Variants in CFDP1 observed in about 807,000 individuals in gnomAD.
CFDP1 encodes heterochromatin-stabilizing protein CFDP1.
A neutral mutation model predicts 40.1 loss-of-function variants in CFDP1; 31 were observed. The observed-to-expected ratio is 0.77, with a 90% CI of 0.58 to 1.04. The LOEUF is 1.04. Among genes scored for constraint, CFDP1 ranks in the 50% least tolerant of loss-of-function variants. CFDP1 has a pLI of 0.00. For synonymous variants in CFDP1, 167 were observed against 120.0 expected (o/e 1.39, Z -2.56); for missense variants, 423 against 343.4 (o/e 1.23, Z -1.83).
intron 5 of CFDP1, 72 bp downstream of exon 5, chr16:75,395,018 G>GA (rs2078984443): frequency 1.9e-6 from 3 of 1,575,552 alleles, no homozygotes; most frequent in Non-Finnish European, 2.6e-6. Context: ...GATCTGCAGC[G>GA]AAAGTAGGTA....
intron 5 of CFDP1, among the ~76,000 whole-genome samples, chr16:75,388,020 A>G (rs2078914426): frequency 6.6e-6 from 1 of 152,216 alleles, no homozygotes; most frequent in African/African-American, 2.4e-5. Flanking sequence ...TTAACAAAAA[A>G]ACATCTATCA....
At chr16:75,370,853 CTG>C (rs2078746450) in intron 5 of CFDP1, among the ~76,000 whole-genome samples, 1 of 152,048 alleles carries the variant, frequency 6.6e-6, no homozygotes, top group African/African-American at 2.4e-5. Context: ...CAGAGCAAGA[CTG>C]TCTCAAAAAT....
intron 5 of CFDP1, among the ~76,000 whole-genome samples, chr16:75,393,812 C>T (rs917953935): frequency 2.8e-5 from 4 of 142,718 alleles, no homozygotes; most frequent in Non-Finnish European, 6.0e-5. Flanking sequence ...GTAATCCTAG[C>T]ACTTTGGGAA....
chr16:75,318,408 CTTT>C (rs11437738), intron 5 of CFDP1, among the ~76,000 whole-genome samples: 15 of 138,506 alleles, frequency 1.1e-4, no homozygotes, highest in Non-Finnish European at 1.7e-4. Context: ...TTCTTTCTTT[CTTT>C]TTTTTTTTTT....
intron 5 of CFDP1, among the ~76,000 whole-genome samples, chr16:75,353,054 C>T (rs1034389476): frequency 4.6e-5 from 7 of 152,120 alleles, no homozygotes; most frequent in African/African-American, 1.7e-4. Context: ...TGGGCAACAT[C>T]CTCAGTTTCT....
intron 1 of CFDP1, 65 bp from the exon 2 acceptor site, chr16:75,414,760 C>T (rs1048969293): frequency 6.0e-5 from 65 of 1,090,212 alleles, no homozygotes; most frequent in Non-Finnish European, 8.1e-5. Context: ...GAGACATTTT[C>T]ATTAATACAA....
intron 1 of CFDP1, among the ~76,000 whole-genome samples, chr16:75,427,059 A>C (rs945915556): frequency 2.2e-4 from 34 of 151,882 alleles, no homozygotes; most frequent in Admixed American, 4.6e-4. Flanking sequence ...TCAAAAAAAA[A>C]AAAACAAAAC....
intron 1 of CFDP1, among the ~76,000 whole-genome samples, chr16:75,425,944 G>A (rs2079337164): frequency 6.9e-6 from 1 of 145,810 alleles, no homozygotes. Flanking sequence ...GCTGAGGCAG[G>A]AGAATCGCTT....
intron 2 of CFDP1, among the ~76,000 whole-genome samples, chr16:75,413,716 C>T (rs997505872): frequency 2.0e-5 from 3 of 152,132 alleles, no homozygotes; most frequent in Non-Finnish European, 2.9e-5. Flanking sequence ...CTTCAATGCC[C>T]AGGAAGACAG....
chr16:75,412,811 C>T, intron 2 of CFDP1, 57 bp from the exon 3 acceptor site: 1 of 1,363,086 alleles, frequency 7.3e-7, no homozygotes. Flanking sequence ...TTTCAGTTAT[C>T]CCTCTCCCAA....
At chr16:75,294,146 C>A in intron 6 of CFDP1, 104 bp from the exon 7 acceptor site, 1 of 801,648 alleles carries the variant, frequency 1.2e-6, no homozygotes, top group South Asian at 1.5e-5. Flanking sequence ...TAAATGGTGC[C>A]GAGAGTGACC....
At chr16:75,361,092 C>G (rs2151531740) in intron 5 of CFDP1, among the ~76,000 whole-genome samples, 1 of 152,244 alleles carries the variant, frequency 6.6e-6, no homozygotes, top group East Asian at 1.9e-4. Flanking sequence ...TTACTACAAC[C>G]TCCACCTCCT....
intron 5 of CFDP1, among the ~76,000 whole-genome samples, chr16:75,348,659 A>G (rs375399746): frequency 1.3e-5 from 2 of 152,054 alleles, no homozygotes; most frequent in East Asian, 3.9e-4. Context: ...GTATTGATAT[A>G]ATTTGCACAT....
intron 4 of CFDP1, among the ~76,000 whole-genome samples, chr16:75,398,492 T>A (rs4888407): frequency 6.6e-6 from 1 of 151,886 alleles, no homozygotes; most frequent in Non-Finnish European, 1.5e-5. Flanking sequence ...CAACATGACT[T>A]CCACAGGCTA....
At chr16:75,333,870 C>CT (rs1443926633) in intron 5 of CFDP1, among the ~76,000 whole-genome samples, 3 of 152,160 alleles carry the variant, frequency 2.0e-5, no homozygotes, top group Non-Finnish European at 4.4e-5. Flanking sequence ...CAGCCCATTA[C>CT]TTTTTTTGCT....
chr16:75,386,482 T>C (rs2078898672), intron 5 of CFDP1, among the ~76,000 whole-genome samples: 1 of 152,228 alleles, frequency 6.6e-6, no homozygotes, highest in Non-Finnish European at 1.5e-5. Flanking sequence ...CCCAGCACTT[T>C]GGGAGGCCCA....
At chr16:75,381,781 G>A (rs892006689) in intron 5 of CFDP1, among the ~76,000 whole-genome samples, 8 of 152,152 alleles carry the variant, frequency 5.3e-5, no homozygotes, top group African/African-American at 1.9e-4. Context: ...AGAGATATGG[G>A]TCTGGAGTTC....
intron 6 of CFDP1, among the ~76,000 whole-genome samples, chr16:75,297,687 C>G (rs553201705): frequency 6.6e-6 from 1 of 152,296 alleles, no homozygotes; most frequent in East Asian, 1.9e-4. Context: ...TTCTGTGGCC[C>G]ATTTAAGAGG....
intron 5 of CFDP1, among the ~76,000 whole-genome samples, chr16:75,367,986 T>A (rs750485248): frequency 2.6e-5 from 4 of 151,532 alleles, no homozygotes; most frequent in African/African-American, 9.7e-5. Flanking sequence ...ACACCTGTAA[T>A]CCCAGCTACT....
Sources: allele counts gnomAD v4.1 joint callset (sites outside exome capture counted in the v4.1 genomes callset), GRCh38; gene constraint gnomAD v4.1.1; transcripts MANE v1.5; gene names NCBI Gene and HGNC (gene_info 2026-07-23, HGNC 2026-07-21).